Variants in DNAL1 observed in about 807,000 individuals in gnomAD.
DNAL1 encodes the protein dynein axonemal light chain 1, also known as chromosome 14 open reading frame 168.
DNAL1 carries 17 observed loss-of-function variants against 29.4 expected under a neutral mutation model. The ratio of observed to expected loss-of-function variants is 0.58; its 90% CI spans 0.40 to 0.87. The LOEUF (loss-of-function observed/expected upper bound fraction) is 0.87, where lower values mean the gene tolerates loss of function less well. Ranked by LOEUF, DNAL1 falls within the 40% of genes least tolerant of loss-of-function variation. The probability of loss-of-function intolerance (pLI) is 0.00; values close to 1 mark genes in which losing one functional copy is unlikely to be tolerated. For missense variants in DNAL1, 188 were observed against 214.1 expected (o/e 0.88, Z 0.76); for synonymous variants, 78 against 76.3 (o/e 1.02, Z -0.12).
At chr14:73,662,231 G>A (rs992133018) in intron 4 of DNAL1, among the ~76,000 whole-genome samples, 189 bp downstream of exon 4, 6 of 152,198 alleles carry the variant, frequency 3.9e-5, no homozygotes, top group African/African-American at 1.2e-4. Context: ...AGCTCTGAAC[G>A]TTTTAAAGAC....
chr14:73,675,799 G>A (rs1261718782), intron 5 of DNAL1, among the ~76,000 whole-genome samples: 1 of 151,616 alleles, frequency 6.6e-6, no homozygotes, highest in African/African-American at 2.4e-5. Flanking sequence ...AGTGGATCAC[G>A]AGGTCAGGAG....
In DNAL1 at chr14:73,699,309, T is replaced by A. The variant is rs1222312796; in HGVS notation, c.*3367T>A. 8.1e-6 allele frequency: 1 copy of A among 124,040 alleles called. No individual in the cohort carries two copies. The highest frequency in any genetic ancestry group is 1.6e-5 in the Non-Finnish European group (1 of 62,902). The allele number at this position is 124,040 out of a possible 1,614,324, so 7.7% of individuals were successfully genotyped here. On this transcript the variant is annotated 3_prime_UTR_variant, in exon 8 of 8. Coordinates refer to ENST00000553645, the MANE Select transcript of DNAL1 (RefSeq NM_031427.4). The stretch of plus-strand genomic sequence containing the variant: ...TCACTGGTATTTTTTGTAATGCTCA[T>A]TTTTTTTTTTTTTTGAGACAGAGTC...
At chr14:73,682,337 ATTTTTTTT>A (rs57403758) in intron 5 of DNAL1, among the ~76,000 whole-genome samples, 5 of 93,406 alleles carry the variant, frequency 5.4e-5, no homozygotes, top group South Asian at 3.9e-4. Context: ...TGCCTGGCTA[ATTTTTTTT>A]TTTTTTTTTT....
chr14:73,658,292 T>C (rs1054215954), intron 2 of DNAL1, among the ~76,000 whole-genome samples: 1 of 152,238 alleles, frequency 6.6e-6, no homozygotes, highest in Admixed American at 6.5e-5. Flanking sequence ...ACCGTGCTGT[T>C]TGGGTTGTGT....
In DNAL1 at chr14:73,658,870, ATCT is replaced by A; in HGVS notation, c.67_69del (p.Ser23del). The stretch of plus-strand genomic sequence containing the variant: ...AGGAAGAGAAAACTGGCCAGAGGCC[ATCT>A]GAAGCCAAAGAGATAAAACTTTATG... On this transcript the variant is annotated inframe_deletion, in exon 3 of 8. Transcript: ENST00000553645. 1 of 1,604,528 alleles carries A rather than the reference ATCT, an allele frequency of 6.2e-7. No individual in the cohort carries two copies. Among genetic ancestry groups the A allele is most frequent in the Non-Finnish European group, 8.5e-7 (1 of 1,175,080 alleles).
intron 1 of DNAL1, among the ~76,000 whole-genome samples, chr14:73,646,056 C>T (rs1566877322): frequency 6.6e-6 from 1 of 152,098 alleles, no homozygotes; most frequent in Non-Finnish European, 1.5e-5. Flanking sequence ...GATGAAATAC[C>T]ACTCTTTAAA....
intron 7 of DNAL1, among the ~76,000 whole-genome samples, chr14:73,690,148 T>C (rs775216330): frequency 8.6e-5 from 13 of 152,032 alleles, no homozygotes; most frequent in Non-Finnish European, 1.9e-4. Context: ...AGAAGATTGC[T>C]TGAGGTCAGG....
intron 5 of DNAL1, among the ~76,000 whole-genome samples, chr14:73,686,785 C>T (rs1165539769): frequency 6.6e-6 from 1 of 152,148 alleles, no homozygotes; most frequent in Non-Finnish European, 1.5e-5. Flanking sequence ...AATTTTAGAC[C>T]TAGCTCTATT....
At chr14:73,695,854 T>C (rs1892289157) in intron 7 of DNAL1, 48 bp from the exon 8 acceptor site, 1 of 1,488,334 alleles carries the variant, frequency 6.7e-7, no homozygotes, top group Non-Finnish European at 9.1e-7. Context: ...TCTAGAATTT[T>C]AGCAATTTTT....
At chr14:73,690,924 G>A (rs981935494) in intron 7 of DNAL1, among the ~76,000 whole-genome samples, 1 of 152,008 alleles carries the variant, frequency 6.6e-6, no homozygotes. Context: ...TCAAAATTGT[G>A]GTATTCTCTC....
chr14:73,676,322 T>C (rs1891732104), intron 5 of DNAL1, among the ~76,000 whole-genome samples: 1 of 152,138 alleles, frequency 6.6e-6, no homozygotes, highest in African/African-American at 2.4e-5. Context: ...ATGTGAAATA[T>C]GCTGTGAAAA....
rs1359105602 is a variant in DNAL1, at chr14:73,703,235, C to T, written c.*7293C>T. The T allele has an allele frequency of 1.3e-5, 2 of 152,152 alleles. No individual in the cohort carries two copies. The highest frequency in any genetic ancestry group is 4.8e-5 in the African/African-American group (2 of 41,422). 9.4% of individuals were successfully genotyped at this position (152,152 alleles called of 1,614,324 possible). On this transcript the variant is annotated 3_prime_UTR_variant, in exon 8 of 8. Transcript: ENST00000553645. ...AAAGGATGGACATTTAGGATCCTCA[C>T]ATTGATTTATGTCATATATATGTAT...
intron 5 of DNAL1, among the ~76,000 whole-genome samples, chr14:73,672,004 C>G (rs1326688520): frequency 6.6e-6 from 1 of 152,136 alleles, no homozygotes; most frequent in Non-Finnish European, 1.5e-5. Flanking sequence ...AATTCATAAA[C>G]ATACTGAAAT....
In DNAL1 at chr14:73,702,791, GT is replaced by G. The variant is rs1892468366; in HGVS notation, c.*6852del. On this transcript the variant is annotated 3_prime_UTR_variant, in exon 8 of 8. Coordinates refer to ENST00000553645, the MANE Select transcript of DNAL1 (RefSeq NM_031427.4). ...GTAGTTTCTACTTCTTATTCCAGTT[GT>G]TTGATTATGAGGATACATTTCTTGC... The G allele has an allele frequency of 6.6e-6, 1 of 152,138 alleles. No individual in the cohort carries two copies. The allele number at this position is 152,138 out of a possible 1,614,324, so 9.4% of individuals were successfully genotyped here.
chr14:73,675,457 G>A (rs1891708809), intron 5 of DNAL1, among the ~76,000 whole-genome samples: 1 of 151,688 alleles, frequency 6.6e-6, no homozygotes, highest in Admixed American at 6.6e-5. Flanking sequence ...GCACCACCTT[G>A]CCCAGCTAAT....
At chr14:73,649,498 G>A (rs563211048) in intron 1 of DNAL1, among the ~76,000 whole-genome samples, 149 of 150,816 alleles carry the variant, frequency 9.9e-4, no homozygotes, top group African/African-American at 3.3e-3. Flanking sequence ...TAGCCAGGAT[G>A]GTCTCGATCT....
At chr14:73,657,290 C>A (rs1478500365) in intron 2 of DNAL1, among the ~76,000 whole-genome samples, 2 of 152,300 alleles carry the variant, frequency 1.3e-5, no homozygotes, top group African/African-American at 4.8e-5. Flanking sequence ...ATCCTCCCAC[C>A]TCAGCCTCCA....
chr14:73,664,805 A>G (rs1484290761), intron 4 of DNAL1, among the ~76,000 whole-genome samples: 1 of 151,960 alleles, frequency 6.6e-6, no homozygotes, highest in Non-Finnish European at 1.5e-5. Flanking sequence ...AGTCTGCAGC[A>G]AGCTATGATG....
chr14:73,689,300 G>A, intron 6 of DNAL1, 75 bp from the exon 7 acceptor site: 12 of 1,521,462 alleles, frequency 7.9e-6, no homozygotes, highest in Non-Finnish European at 9.8e-6. Context: ...CCAAAGTTCT[G>A]GGATTACAGG....
Sources: allele counts gnomAD v4.1 joint callset (sites outside exome capture counted in the v4.1 genomes callset), GRCh38; gene constraint gnomAD v4.1.1; transcripts MANE v1.5; gene names NCBI Gene and HGNC (gene_info 2026-07-23, HGNC 2026-07-21).